The following B3GLCT variants were observed in gnomAD, a reference collection of about 807,000 sequenced individuals.
B3GLCT encodes beta 3-glucosyltransferase.
A neutral mutation model predicts 63.4 loss-of-function variants in B3GLCT; 65 were observed. The observed-to-expected ratio is 1.03, with a 90% CI of 0.84 to 1.26. B3GLCT has a LOEUF of 1.26. Ranked by LOEUF, B3GLCT falls within the 50% of genes most tolerant of loss-of-function variation. The pLI is 0.00. For synonymous variants in B3GLCT, 233 were observed against 219.2 expected, an observed-to-expected ratio of 1.06 and a Z score of -0.55; for missense variants, 577 against 604.8, an observed-to-expected ratio of 0.95 and a Z score of 0.48.
intron 4 of B3GLCT, among the ~76,000 whole-genome samples, chr13:31,231,065 C>T (rs933181541): frequency 6.6e-6 from 1 of 151,888 alleles, no homozygotes; most frequent in Admixed American, 6.6e-5. Context: ...GAGGTTTTCT[C>T]CTACTAAATC....
intron 12 of B3GLCT, among the ~76,000 whole-genome samples, chr13:31,304,202 G>A (rs1417180219): frequency 6.3e-5 from 4 of 63,144 alleles, no homozygotes; most frequent in Admixed American, 1.7e-4. Context: ...AGGAACAACC[G>A]GTACCAGCCG....
intron 12 of B3GLCT, among the ~76,000 whole-genome samples, chr13:31,304,596 G>T (rs1449741684): frequency 8.7e-5 from 5 of 57,214 alleles, no homozygotes; most frequent in Non-Finnish European, 1.3e-4. Context: ...ATTACCTAAT[G>T]GTAAAGGGAT....
rs1050071215 is a variant in B3GLCT, at chr13:31,252,317, G to A, written c.459+4351G>A. On this transcript the variant is annotated intron_variant, in intron 6 of 14. Transcript: ENST00000343307. ...ATGAAGAAACTGCATCAACTAAGGG[G>A]CAAAATAACCAGCTAGCATCAAAAT... Among the ~76,000 whole-genome samples the A allele has an allele frequency of 5.3e-5, 8 of 152,244 alleles. No homozygotes were observed. The East Asian group carries it at 9.6e-4, about 18-fold the overall frequency.
chr13:31,276,709 C>G lies in B3GLCT; in HGVS notation c.788C>G (p.Pro263Arg), dbSNP rs764256479. The change falls in exon 10 of 15, where the codon CCA becomes CGA. Residue 263 changes from proline to arginine, a missense_variant. Physicochemically the swap from Pro to Arg is moderately radical, Grantham distance 103. Coordinates refer to ENST00000343307, the MANE Select transcript of B3GLCT (RefSeq NM_194318.4). Reference protein sequence around the residue: ...FHSFLPLCRKPVKKKDIFVAV... With the variant: ...FHSFLPLCRKRVKKKDIFVAV... ...TTCTTTTCTTTTTTTTAGAGAAAGC[C>G]AGTGAAGAAGAAGGATATTTTTGTT... The G allele has an allele frequency of 2.5e-6, 4 of 1,610,526 alleles. No individual in the cohort carries two copies. The Admixed American group carries it at 6.7e-5, about 27-fold the overall frequency.
intron 1 of B3GLCT, among the ~76,000 whole-genome samples, chr13:31,212,771 A>T (rs1228533896): frequency 6.6e-6 from 1 of 152,194 alleles, no homozygotes; most frequent in Non-Finnish European, 1.5e-5. Flanking sequence ...TATATCTTGC[A>T]AGTTCTCAGA....
chr13:31,231,274 A>G (rs1870367956), intron 4 of B3GLCT, among the ~76,000 whole-genome samples: 1 of 152,146 alleles, frequency 6.6e-6, no homozygotes, highest in Non-Finnish European at 1.5e-5. Context: ...AGACCTTGCC[A>G]GTTACCCCAA....
intron 10 of B3GLCT, among the ~76,000 whole-genome samples, chr13:31,277,120 A>C (rs745498463): frequency 1.5e-4 from 23 of 152,240 alleles, no homozygotes; most frequent in African/African-American, 2.7e-4. Flanking sequence ...TCTAAACGGG[A>C]TGAAGAATGT....
At chr13:31,294,467 C>G (rs1873833716) in intron 12 of B3GLCT, among the ~76,000 whole-genome samples, 1 of 152,212 alleles carries the variant, frequency 6.6e-6, no homozygotes, top group African/African-American at 2.4e-5. Flanking sequence ...TAGATTTGGT[C>G]TTTTCACATA....
At chr13:31,298,578 A>G (rs551773303) in intron 12 of B3GLCT, among the ~76,000 whole-genome samples, 1 of 152,300 alleles carries the variant, frequency 6.6e-6, no homozygotes, top group South Asian at 2.1e-4. Flanking sequence ...ATTTCCCTCA[A>G]TTTATAACCC....
At chr13:31,221,192 C>T (rs1869796945) in intron 2 of B3GLCT, among the ~76,000 whole-genome samples, 1 of 152,194 alleles carries the variant, frequency 6.6e-6, no homozygotes, top group African/African-American at 2.4e-5. Flanking sequence ...GAATCATCTC[C>T]AATGCTGTTT....
At chr13:31,283,875 CAAG>C (rs1243083261) in intron 10 of B3GLCT, among the ~76,000 whole-genome samples, 3 of 152,068 alleles carry the variant, frequency 2.0e-5, no homozygotes, top group East Asian at 1.9e-4. Flanking sequence ...ATTGAAAAAA[CAAG>C]AAACCACTTT....
chr13:31,308,362 A>AAAAAAAAAAAAAAAAAAAAAAAAAC (rs61561180), intron 12 of B3GLCT, among the ~76,000 whole-genome samples: 19 of 61,862 alleles, frequency 3.1e-4, no homozygotes, highest in Non-Finnish European at 4.6e-4. Flanking sequence ...AAAAAAAAAC[A>AAAAAAAAAAAAAAAAAAAAAAAAAC]AAAAAAAAAG....
At chr13:31,200,970 G>C (rs1352342815) in intron 1 of B3GLCT, among the ~76,000 whole-genome samples, 1 of 151,008 alleles carries the variant, frequency 6.6e-6, no homozygotes, top group Non-Finnish European at 1.5e-5. Flanking sequence ...TCCTCGCAAG[G>C]GCATTTCCCC....
intron 6 of B3GLCT, among the ~76,000 whole-genome samples, chr13:31,257,556 A>G (rs905574095): frequency 6.6e-6 from 1 of 152,064 alleles, no homozygotes; most frequent in Non-Finnish European, 1.5e-5. Flanking sequence ...CAGCTGTCAC[A>G]TATGTTCAGT....
chr13:31,226,309 A>G (rs530741191), intron 3 of B3GLCT, among the ~76,000 whole-genome samples: 9 of 152,236 alleles, frequency 5.9e-5, no homozygotes, highest in Non-Finnish European at 1.3e-4. Flanking sequence ...CTTAGTAGGT[A>G]CTCAGAAGAT....
chr13:31,274,629 G>A lies in B3GLCT; in HGVS notation c.780+1G>A, dbSNP rs750259608. ...ATTCCATTCTTTTCTACCGCTTTGTGTGAGTAACAGAAGAAAAACTTCTTT... is the reference window on the plus strand; with the variant it reads ...ATTCCATTCTTTTCTACCGCTTTGTATGAGTAACAGAAGAAAAACTTCTTT... On this transcript the variant is annotated splice_donor_variant, in intron 9 of 14. Transcript: ENST00000343307. LOFTEE classifies it high-confidence loss of function. 1 of 1,614,188 alleles carries A rather than the reference G, an allele frequency of 6.2e-7. No homozygotes were observed. The highest frequency in any genetic ancestry group is 1.1e-5 in the South Asian group (1 of 91,084).
At chr13:31,211,002 C>T (rs548528399) in intron 1 of B3GLCT, among the ~76,000 whole-genome samples, 7 of 152,150 alleles carry the variant, frequency 4.6e-5, no homozygotes, top group Non-Finnish European at 1.0e-4. Flanking sequence ...CTCAGCCTCC[C>T]GAAGTGCTAG....
chr13:31,317,445 T>C (rs1243210045), intron 12 of B3GLCT, 121 bp from the exon 13 acceptor site: 2 of 1,195,202 alleles, frequency 1.7e-6, no homozygotes, highest in Admixed American at 3.5e-5. Context: ...TCAAATTTCT[T>C]CTCTTAACTA....
chr13:31,249,055 C>T (rs894457181), intron 6 of B3GLCT, among the ~76,000 whole-genome samples: 1 of 152,116 alleles, frequency 6.6e-6, no homozygotes, highest in Non-Finnish European at 1.5e-5. Context: ...CCTGTCCCAC[C>T]CACCTTCGAA....
Sources: gnomAD v4.1 joint callset for allele counts (sites outside exome capture counted in the v4.1 genomes callset) on GRCh38, gnomAD v4.1.1 for gene constraint, MANE v1.5 for transcripts, NCBI Gene and HGNC (gene_info 2026-07-23, HGNC 2026-07-21) for gene names.